The following SH3RF3 variants were observed in gnomAD, a reference collection of about 807,000 sequenced individuals.
SH3RF3 encodes SH3 domain containing ring finger 3.
A neutral mutation model predicts 66.3 loss-of-function variants in SH3RF3; 29 were observed. The ratio of observed to expected loss-of-function variants is 0.44; its 90% confidence interval spans 0.33 to 0.60. The LOEUF is 0.60. SH3RF3 is among the 20% of genes least tolerant of loss of function. The pLI, the probability that SH3RF3 is intolerant of heterozygous loss-of-function variation, is 0.04. For missense variants in SH3RF3, 1,194 were observed against 1,190.9 expected (o/e 1.00, Z -0.04); for synonymous variants, 583 against 532.0 (o/e 1.10, Z -1.32).
rs901420839 is a variant in SH3RF3 at position 109,129,488 on chromosome 2, C to T, written c.-53C>T. ...TGCTGGCTGCCGGTGGCGGGCTCCA[C>T]GCCGGCCCCGGGACCTAGGCAGCCG... is the stretch of plus-strand genomic sequence containing the variant. On this transcript the variant is annotated 5_prime_UTR_variant, in exon 1 of 10. In the 5' UTR this introduces an upstream ATG that the reference lacks. Transcript: ENST00000309415. 50 of 1,494,148 alleles carry T rather than the reference C, an allele frequency of 3.3e-5. No homozygotes were observed. The highest frequency in any genetic ancestry group is 3.4e-5 in the Non-Finnish European group (38 of 1,127,922). The allele number at this position is 1,494,148 out of a possible 1,614,324, so 92.6% of individuals were successfully genotyped here.
At chr2:109,222,400 C>T (rs1391294639) in intron 1 of SH3RF3, among the ~76,000 whole-genome samples, 1 of 152,084 alleles carries the variant, frequency 6.6e-6, no homozygotes, top group Non-Finnish European at 1.5e-5. Context: ...TGCTAGTTAC[C>T]CTGATTTGAT....
intron 1 of SH3RF3, among the ~76,000 whole-genome samples, chr2:109,337,573 TC>T (rs1314800446): frequency 1.3e-5 from 2 of 152,310 alleles, no homozygotes; most frequent in African/African-American, 4.8e-5. Context: ...CTGTGGAGCT[TC>T]CCCGAGCCTT....
At chr2:109,200,377 TTC>T (rs1678640964) in intron 1 of SH3RF3, among the ~76,000 whole-genome samples, 1 of 152,070 alleles carries the variant, frequency 6.6e-6, no homozygotes, top group Non-Finnish European at 1.5e-5. Context: ...GCCTGTGGTT[TTC>T]TGTCATCTGC....
intron 1 of SH3RF3, among the ~76,000 whole-genome samples, chr2:109,273,574 G>C (rs1303877757): frequency 6.6e-6 from 1 of 152,226 alleles, no homozygotes; most frequent in East Asian, 1.9e-4. Context: ...CAGGTGTCTT[G>C]TACAGATGGG....
intron 1 of SH3RF3, among the ~76,000 whole-genome samples, chr2:109,179,036 T>TGC (rs1678003908): frequency 6.6e-6 from 1 of 151,754 alleles, no homozygotes; most frequent in African/African-American, 2.4e-5. Context: ...TGTGTGTGTG[T>TGC]ATTTTTAAAC....
chr2:109,176,457 C>CATG (rs1677917172), intron 1 of SH3RF3, among the ~76,000 whole-genome samples: 2 of 152,056 alleles, frequency 1.3e-5, no homozygotes, highest in African/African-American at 4.8e-5. Flanking sequence ...AGGGGCCAGC[C>CATG]ATGATGGCTC....
rs550817731 is a variant in SH3RF3 at position 109,277,895 on chromosome 2, C to T, written c.574-69779C>T. Among the ~76,000 whole-genome samples the T allele has an allele frequency of 1.6e-3, 248 of 151,816 alleles. 1 individual carries two copies. The highest frequency in any genetic ancestry group is 0.014 in the Middle Eastern group (4 of 294). ...TTCTTCTGCTGAAAGGCATTTCAGG[C>T]CGGGTGTGGTGGCTCACGCCTATAA... On this transcript the variant is annotated intron_variant, in intron 1 of 9. Transcript: ENST00000309415.
At chr2:109,273,599 G>A (rs191427403) in intron 1 of SH3RF3, among the ~76,000 whole-genome samples, 3 of 152,196 alleles carry the variant, frequency 2.0e-5, no homozygotes, top group African/African-American at 7.2e-5. Flanking sequence ...TTTGTGGTGG[G>A]ACAGGCTTAG....
At chr2:109,402,813 C>A (rs906268966) in intron 4 of SH3RF3, among the ~76,000 whole-genome samples, 6 of 152,174 alleles carry the variant, frequency 3.9e-5, no homozygotes, top group Admixed American at 3.3e-4. Flanking sequence ...AGTGCATTTA[C>A]TTTTGGGGTG....
chr2:109,301,253 T>C (rs973095524), intron 1 of SH3RF3, among the ~76,000 whole-genome samples: 3 of 151,898 alleles, frequency 2.0e-5, no homozygotes, highest in African/African-American at 7.3e-5. Flanking sequence ...GACTCAGACT[T>C]TCTCCCGTGT....
chr2:109,221,313 T>G (rs1679234128), intron 1 of SH3RF3, among the ~76,000 whole-genome samples: 1 of 151,210 alleles, frequency 6.6e-6, no homozygotes, highest in African/African-American at 2.4e-5. Flanking sequence ...CTGGGCCAGG[T>G]GACTCACGGC....
chr2:109,417,155 G>C (rs1055331641), intron 4 of SH3RF3, among the ~76,000 whole-genome samples: 7 of 152,208 alleles, frequency 4.6e-5, no homozygotes, highest in African/African-American at 1.7e-4. Flanking sequence ...GAGACCTGTG[G>C]ACAGTGGAGA....
At chr2:109,300,927 G>C (rs558834989) in intron 1 of SH3RF3, among the ~76,000 whole-genome samples, 1 of 152,304 alleles carries the variant, frequency 6.6e-6, no homozygotes, top group African/African-American at 2.4e-5. Context: ...AGAAGGTGAG[G>C]GCCACAGCAT....
chr2:109,366,852 C>A (rs1472627196), intron 2 of SH3RF3, among the ~76,000 whole-genome samples: 1 of 152,162 alleles, frequency 6.6e-6, no homozygotes, highest in Non-Finnish European at 1.5e-5. Flanking sequence ...GACCTCGTCT[C>A]AAAAACAAAT....
chr2:109,196,957 CT>C (rs1678518171), intron 1 of SH3RF3, among the ~76,000 whole-genome samples: 1 of 152,218 alleles, frequency 6.6e-6, no homozygotes, highest in Non-Finnish European at 1.5e-5. Flanking sequence ...CAGTGCGCCC[CT>C]GTGCTGGGCA....
chr2:109,447,576 G>A (rs138933956), intron 7 of SH3RF3, among the ~76,000 whole-genome samples: 63 of 151,856 alleles, frequency 4.1e-4, no homozygotes, highest in African/African-American at 1.5e-3. Context: ...GGTGCTGCCC[G>A]GGCCACTTGG....
At chr2:109,328,242 C>G (rs1415548528) in intron 1 of SH3RF3, among the ~76,000 whole-genome samples, 1 of 152,182 alleles carries the variant, frequency 6.6e-6, no homozygotes, top group Non-Finnish European at 1.5e-5. Flanking sequence ...TTGTTTTGTT[C>G]AAACCTGGAT....
At chr2:109,217,887 G>A (rs1465807227) in intron 1 of SH3RF3, among the ~76,000 whole-genome samples, 1 of 152,180 alleles carries the variant, frequency 6.6e-6, no homozygotes, top group African/African-American at 2.4e-5. Flanking sequence ...GTTGTGGCCT[G>A]GCACAAGGGA....
rs1382474792 is a variant in SH3RF3, at chr2:109,471,442, A to G, written c.2149-19163A>G. Among the ~76,000 whole-genome samples, 3 of 152,154 alleles carry G rather than the reference A, an allele frequency of 2.0e-5. No homozygotes were observed. In the East Asian group the frequency reaches 5.8e-4, roughly 29 times the overall value. ...TGGATCTCATGAGAACTCACTCACT[A>G]TCACAAGAACAGCATGGGAGAAACT... is the stretch of plus-strand genomic sequence containing the variant. On this transcript the variant is annotated intron_variant, in intron 8 of 9. Transcript: ENST00000309415.
Sources: allele counts gnomAD v4.1 joint callset (sites outside exome capture counted in the v4.1 genomes callset), GRCh38; gene constraint gnomAD v4.1.1; transcripts MANE v1.5; gene names NCBI Gene and HGNC (gene_info 2026-07-23, HGNC 2026-07-21).